ATP8A1: variants seen among roughly 807,000 people sequenced by gnomAD.
The protein encoded by ATP8A1 is ATPase phospholipid transporting 8A1, also known as phospholipid-transporting ATPase IA.
A neutral mutation model predicts 177.7 loss-of-function variants in ATP8A1; 90 were observed. The observed-to-expected ratio is 0.51, with a 90% CI of 0.43 to 0.60. ATP8A1 has a LOEUF of 0.60. ATP8A1 is among the 20% of genes least tolerant of loss of function. The pLI is 0.00. For synonymous variants in ATP8A1, 493 were observed against 485.9 expected (o/e 1.01, Z -0.19); for missense variants, 1,072 against 1,392.8 (o/e 0.77, Z 3.67).
intron 33 of ATP8A1, among the ~76,000 whole-genome samples, chr4:42,432,985 C>A (rs892801216): frequency 5.9e-5 from 9 of 152,212 alleles, no homozygotes; most frequent in Non-Finnish European, 1.3e-4. Flanking sequence ...TGACTCAAAT[C>A]TTTATTCTAT....
At chr4:42,470,451 A>C (rs970617350) in intron 25 of ATP8A1, among the ~76,000 whole-genome samples, 2 of 152,184 alleles carry the variant, frequency 1.3e-5, no homozygotes, top group African/African-American at 4.8e-5. Context: ...TCTAAATGAA[A>C]TATGAAGAAT....
rs754744818 is a variant in ATP8A1, at chr4:42,485,583, CCATCAATTATAAGAGCAAAATCATT to C, written c.2212_2236del (p.Asn738GlyfsTer8). 6.2e-7 allele frequency: 1 copy of C among 1,613,636 alleles called. No homozygotes were observed. Among genetic ancestry groups the C allele is most frequent in the South Asian group, 1.1e-5 (1 of 91,052 alleles). On this transcript the variant is annotated frameshift_variant, in exon 25 of 37. Coordinates refer to ENST00000381668, the MANE Select transcript of ATP8A1 (RefSeq NM_006095.2). LOFTEE classifies it high-confidence loss of function. ...GGTTAAGGCATATTTGAGGGTTTTCCCATCAATTATAAGAGCAAAATCATTCTCTTTCCGGAGAGCATCACCAAGG... is the reference window on the plus strand; with the variant it reads ...GGTTAAGGCATATTTGAGGGTTTTCCCTCTTTCCGGAGAGCATCACCAAGG...
intron 24 of ATP8A1, among the ~76,000 whole-genome samples, chr4:42,487,637 G>A (rs1037460082): frequency 2.6e-5 from 4 of 151,780 alleles, no homozygotes; most frequent in East Asian, 1.9e-4. Context: ...TAAGCATGTC[G>A]TTTTATATAT....
intron 1 of ATP8A1, among the ~76,000 whole-genome samples, chr4:42,633,818 C>G (rs1283797490): frequency 6.6e-6 from 1 of 152,070 alleles, no homozygotes; most frequent in Non-Finnish European, 1.5e-5. Context: ...CTATTTTACA[C>G]TGAATGGTCA....
intron 4 of ATP8A1, 38 bp downstream of exon 4, chr4:42,624,498 C>A (rs773261988): frequency 1.8e-6 from 2 of 1,139,348 alleles, no homozygotes; most frequent in African/African-American, 3.3e-5. Flanking sequence ...ATATAAATAA[C>A]AAAGTCACAT....
At chr4:42,463,990 C>T (rs1465830256) in intron 27 of ATP8A1, among the ~76,000 whole-genome samples, 1 of 152,284 alleles carries the variant, frequency 6.6e-6, no homozygotes, top group Non-Finnish European at 1.5e-5. Context: ...ATTAGAGGTG[C>T]TAGCTTCAGT....
intron 15 of ATP8A1, among the ~76,000 whole-genome samples, chr4:42,568,199 AG>A (rs1293152562): frequency 6.6e-6 from 1 of 152,232 alleles, no homozygotes; most frequent in African/African-American, 2.4e-5. Context: ...AGAACCAAAC[AG>A]CTGCCTGTCA....
rs1712645091 is a variant in ATP8A1, at chr4:42,411,786, T to C, written c.*1130A>G. On this transcript the variant is annotated 3_prime_UTR_variant, in exon 37 of 37. Coordinates refer to ENST00000381668, the MANE Select transcript of ATP8A1 (RefSeq NM_006095.2). ...CCCAATAAGCAGCATGTGACGAATT[T>C]TGGGAACTATTTGATGAGTGAACTG... is the stretch of plus-strand genomic sequence containing the variant. 1 of 152,186 alleles carries C rather than the reference T, an allele frequency of 6.6e-6. No individual in the cohort carries two copies. The highest frequency in any genetic ancestry group is 2.4e-5 in the African/African-American group (1 of 41,432). 9.4% of individuals were successfully genotyped at this position (152,186 alleles called of 1,614,324 possible).
chr4:42,464,623 T>A, intron 27 of ATP8A1, 67 bp downstream of exon 27: 1 of 903,966 alleles, frequency 1.1e-6, no homozygotes, highest in Non-Finnish European at 1.7e-6. Context: ...AGAAAACGTC[T>A]CCATAAAGAA....
intron 27 of ATP8A1, among the ~76,000 whole-genome samples, chr4:42,459,088 T>C (rs1327921697): frequency 6.6e-6 from 1 of 152,226 alleles, no homozygotes; most frequent in African/African-American, 2.4e-5. Flanking sequence ...CCAAGACAGT[T>C]GAATCATATT....
intron 24 of ATP8A1, among the ~76,000 whole-genome samples, chr4:42,489,026 G>C (rs184900840): frequency 1.3e-5 from 2 of 152,222 alleles, no homozygotes; most frequent in East Asian, 3.9e-4. Flanking sequence ...TAGAGAAAGA[G>C]AGAGAGTAAG....
chr4:42,625,738 C>A (rs1004795388), intron 2 of ATP8A1, 25 bp from the exon 3 acceptor site: 3 of 1,416,524 alleles, frequency 2.1e-6, no homozygotes, highest in South Asian at 1.3e-5. Context: ...TGAAAAGTAG[C>A]ATAAAACTTC....
At chr4:42,474,730 G>A (rs865865604) in intron 25 of ATP8A1, among the ~76,000 whole-genome samples, 26 of 152,134 alleles carry the variant, frequency 1.7e-4, no homozygotes, top group African/African-American at 5.3e-4. Flanking sequence ...TTAATGAACT[G>A]AGATTGGGCC....
At position 42,543,974 on chromosome 4, in the gene ATP8A1, T is replaced by C. The variant is rs747194842; in HGVS notation, c.1665A>G (p.Arg555=). 6 of 1,613,360 alleles carry C rather than the reference T, an allele frequency of 3.7e-6. No homozygotes were observed. In the South Asian group the frequency reaches 6.6e-5, roughly 18 times the overall value. Residue 555 remains arginine, a synonymous_variant, in exon 20 of 37, where the codon AGA becomes AGG. Transcript: ENST00000381668. ...NVLEFTSARK[R]MSVIVRTPSG... ...ATGGAGTGCGAACAATCACTGACATTCTTTTCCTAGCACTGAAAGAAAGAG... is the reference window on the plus strand; with the variant it reads ...ATGGAGTGCGAACAATCACTGACATCCTTTTCCTAGCACTGAAAGAAAGAG...
At chr4:42,471,709 T>C (rs1303944856) in intron 25 of ATP8A1, 1 of 265,846 alleles carries the variant, frequency 3.8e-6, no homozygotes, top group Non-Finnish European at 7.4e-6. Context: ...CTTCAGAAAA[T>C]ATCATCTAGT....
intron 25 of ATP8A1, among the ~76,000 whole-genome samples, chr4:42,471,607 C>T (rs1720423879): frequency 6.6e-6 from 1 of 152,186 alleles, no homozygotes; most frequent in Non-Finnish European, 1.5e-5. Flanking sequence ...CTATGAAAGG[C>T]ACTAAAAAGA....
At chr4:42,601,787 A>C (rs1265230475) in intron 5 of ATP8A1, among the ~76,000 whole-genome samples, 4 of 152,218 alleles carry the variant, frequency 2.6e-5, no homozygotes, top group Admixed American at 2.0e-4. Flanking sequence ...AGGTACAAAA[A>C]CAGATTCAGT....
intron 17 of ATP8A1, among the ~76,000 whole-genome samples, chr4:42,552,033 G>A (rs1026607950): frequency 4.6e-5 from 7 of 152,082 alleles, no homozygotes; most frequent in East Asian, 1.9e-4. Flanking sequence ...CTTCAAATGC[G>A]TAAAACTTTC....
chr4:42,475,671 T>C (rs533693050), intron 25 of ATP8A1, among the ~76,000 whole-genome samples: 6 of 152,138 alleles, frequency 3.9e-5, no homozygotes, highest in Non-Finnish European at 8.8e-5. Context: ...ATTTGAATAA[T>C]AGGTGCCACG....
Sources: allele counts gnomAD v4.1 joint callset (sites outside exome capture counted in the v4.1 genomes callset), GRCh38; gene constraint gnomAD v4.1.1; transcripts MANE v1.5; gene names NCBI Gene and HGNC (gene_info 2026-07-23, HGNC 2026-07-21).